RPGRIP1L: variants seen among roughly 807,000 people sequenced by gnomAD.
The protein encoded by RPGRIP1L is protein fantom.
Under a neutral mutation model 160.4 loss-of-function variants are expected in RPGRIP1L, and 131 were observed. That is an observed-to-expected ratio of 0.82 (90% confidence interval 0.71 to 0.94). The LOEUF (loss-of-function observed/expected upper bound fraction) is 0.94, where lower values mean the gene tolerates loss of function less well. RPGRIP1L is among the 40% of genes least tolerant of loss of function. The probability of loss-of-function intolerance (pLI) is 0.00; values close to 1 mark genes in which losing one functional copy is unlikely to be tolerated. For missense variants in RPGRIP1L, 1,522 were observed against 1,535.8 expected (o/e 0.99, Z 0.15); for synonymous variants, 510 against 515.8 (o/e 0.99, Z 0.15).
chr16:53,606,062 C>G (rs1963663553), intron 25 of RPGRIP1L, among the ~76,000 whole-genome samples: 1 of 152,134 alleles, frequency 6.6e-6, no homozygotes, highest in Admixed American at 6.5e-5. Context: ...AGGAATTTAA[C>G]AAAACTGTAT....
intron 1 of RPGRIP1L, among the ~76,000 whole-genome samples, chr16:53,702,044 G>A (rs1455238211): frequency 6.6e-6 from 1 of 152,132 alleles, no homozygotes; most frequent in African/African-American, 2.4e-5. Flanking sequence ...AGTTTTCCAT[G>A]ACAGAGTTAA....
At chr16:53,695,212 T>C (rs1177604577) in intron 3 of RPGRIP1L, 4 of 622,980 alleles carry the variant, frequency 6.4e-6, no homozygotes, top group African/African-American at 1.8e-5. Flanking sequence ...ACATGCCTCA[T>C]TCTGACTGGC....
At chr16:53,700,932 T>G (rs1032725143) in intron 1 of RPGRIP1L, among the ~76,000 whole-genome samples, 2 of 152,198 alleles carry the variant, frequency 1.3e-5, no homozygotes, top group Non-Finnish European at 2.9e-5. Context: ...CTTTCAACAG[T>G]GTATTTCCTA....
intron 9 of RPGRIP1L, among the ~76,000 whole-genome samples, chr16:53,671,255 T>G (rs1968695264): frequency 6.6e-6 from 1 of 152,178 alleles, no homozygotes; most frequent in African/African-American, 2.4e-5. Flanking sequence ...TTATAGTTAG[T>G]GTTCAATAAA....
intron 15 of RPGRIP1L, among the ~76,000 whole-genome samples, chr16:53,650,502 C>T (rs1299155367): frequency 2.6e-5 from 4 of 152,090 alleles, no homozygotes; most frequent in East Asian, 3.9e-4. Flanking sequence ...AGTGTGGGCA[C>T]TGCTTGAGTC....
intron 6 of RPGRIP1L, among the ~76,000 whole-genome samples, chr16:53,685,513 A>G (rs1284782386): frequency 6.6e-6 from 1 of 152,252 alleles, no homozygotes. Context: ...ACCATGGAAT[A>G]CTATGCAGCC....
Position 53,692,237 on chromosome 16 carries a change from G to T in RPGRIP1L, c.358C>A (p.His120Asn), listed in dbSNP as rs1432721427. 5.0e-6 allele frequency: 8 copies of T among 1,614,092 alleles called. No homozygotes were observed. The highest frequency in any genetic ancestry group is 6.8e-6 in the Non-Finnish European group (8 of 1,180,024). Residue 120 changes from histidine (H) to asparagine (N), a missense_variant, in exon 4 of 27, where the codon CAT becomes AAT. Transcript: ENST00000647211. ...GTTTCATTTTGTTTTTCAAGCTCAT[G>T]AACTTTCTCTTGCAGCTGCTCAATC... ...EMIEQLQEKV[H>N]ELEKQNETLK...
rs1261186130 is a variant in RPGRIP1L, at chr16:53,599,286, A to T, written c.*2790T>A. ...TTAAACATATTCTTTATGTATTTTTAAAAAAACTAATTTAAGTTAAATGGC... is the reference window on the plus strand; with the variant it reads ...TTAAACATATTCTTTATGTATTTTTTAAAAAACTAATTTAAGTTAAATGGC... On this transcript the variant is annotated 3_prime_UTR_variant, in exon 27 of 27. Transcript: ENST00000647211. 1.3e-5 allele frequency: 2 copies of T among 152,212 alleles called. No homozygotes were observed. Among genetic ancestry groups the T allele is most frequent in the Non-Finnish European group, 2.9e-5 (2 of 68,030 alleles). 9.4% of individuals were successfully genotyped at this position (152,212 alleles called of 1,614,324 possible). A position where few individuals can be genotyped will look rare whatever the true frequency, so the allele number is the denominator to read the frequency against.
At chr16:53,696,343 T>C in intron 2 of RPGRIP1L, 48 bp from the exon 3 acceptor site, 5 of 1,586,406 alleles carry the variant, frequency 3.2e-6, no homozygotes, top group Non-Finnish European at 4.3e-6. Flanking sequence ...TAAAATAGTC[T>C]CTAGAAACTC....
rs1034600668 is a variant in RPGRIP1L at position 53,599,779 on chromosome 16, G to C, written c.*2297C>G. The C allele has an allele frequency of 6.6e-6, 1 of 152,174 alleles. No individual in the cohort carries two copies. The highest frequency in any genetic ancestry group is 2.4e-5 in the African/African-American group (1 of 41,434). 9.4% of individuals were successfully genotyped at this position (152,174 alleles called of 1,614,324 possible). ...ATAAAACAAACAAAATTCTCAAACA[G>C]ATTATGAAACCCAACTGAAGTATCC... On this transcript the variant is annotated 3_prime_UTR_variant, in exon 27 of 27. Transcript: ENST00000647211.
chr16:53,640,139 G>C (rs759468881), intron 19 of RPGRIP1L, among the ~76,000 whole-genome samples: 15 of 152,168 alleles, frequency 9.9e-5, no homozygotes, highest in Admixed American at 7.9e-4. Context: ...TGAGAAAAAA[G>C]AGGAGTCAAG....
chr16:53,621,793 T>A (rs950012815), intron 23 of RPGRIP1L, among the ~76,000 whole-genome samples: 1 of 150,710 alleles, frequency 6.6e-6, no homozygotes, highest in Non-Finnish European at 1.5e-5. Flanking sequence ...GAGGCTGAGG[T>A]GGGCGGATCA....
chr16:53,599,548 G>C lies in RPGRIP1L; in HGVS notation c.*2528C>G, dbSNP rs1963293838. On this transcript the variant is annotated 3_prime_UTR_variant, in exon 27 of 27. Coordinates refer to ENST00000647211, the MANE Select transcript of RPGRIP1L (RefSeq NM_015272.5). Reference sequence around the variant, plus strand: ...ACTAAAAGCATTACAGCCCAAAAAAGTGCTGCGTGCACTGGTCTAGTTACA... The same window carrying C: ...ACTAAAAGCATTACAGCCCAAAAAACTGCTGCGTGCACTGGTCTAGTTACA... The C allele has an allele frequency of 6.6e-6, 1 of 152,148 alleles. No homozygotes were observed. Among genetic ancestry groups the C allele is most frequent in the Non-Finnish European group, 1.5e-5 (1 of 68,046 alleles). The allele number at this position is 152,148 out of a possible 1,614,324, so 9.4% of individuals were successfully genotyped here.
intron 3 of RPGRIP1L, chr16:53,693,849 T>C (rs1970554848): frequency 6.6e-6 from 1 of 152,140 alleles, no homozygotes; most frequent in Non-Finnish European, 1.5e-5. Flanking sequence ...AACCTAAATA[T>C]CTGAATTTTC....
At chr16:53,631,379 T>G (rs568928897) in intron 22 of RPGRIP1L, among the ~76,000 whole-genome samples, 2 of 152,196 alleles carry the variant, frequency 1.3e-5, no homozygotes, top group Non-Finnish European at 2.9e-5. Context: ...GATGTAAATA[T>G]GCACTGCACA....
At chr16:53,665,209 G>C (rs1968142095) in intron 9 of RPGRIP1L, among the ~76,000 whole-genome samples, 200 bp from the exon 10 acceptor site, 1 of 152,138 alleles carries the variant, frequency 6.6e-6, no homozygotes, top group South Asian at 2.1e-4. Flanking sequence ...TTTGTGGGAT[G>C]AGCAAAGGAA....
At position 53,607,317 on chromosome 16, in the gene RPGRIP1L, G is replaced by A. The variant is rs1340097733; in HGVS notation, c.3702-1703C>T. Among the ~76,000 whole-genome samples, 3 of 152,138 alleles carry A rather than the reference G, an allele frequency of 2.0e-5. No homozygotes were observed. The East Asian group carries it at 5.8e-4, about 29-fold the overall frequency. On this transcript the variant is annotated intron_variant, in intron 25 of 26. Coordinates refer to ENST00000647211, the MANE Select transcript of RPGRIP1L (RefSeq NM_015272.5). ...TAGTAGTATTTTTAATATAGATAGA[G>A]TTGCTTATGCTTCTACATTTCTAAG... is the stretch of plus-strand genomic sequence containing the variant.
chr16:53,657,463 T>G lies in RPGRIP1L; in HGVS notation c.1571A>C (p.Lys524Thr). Residue 524 changes from lysine to threonine, a missense_variant, in exon 13 of 27, where the codon AAA (lysine) becomes ACA (threonine). Transcript: ENST00000647211. Reference sequence around the variant, plus strand: ...AGTGTATTACATTACCTGATAATCTTTATTAATTTTGTGTTGCATAATTAG... The same window carrying G: ...AGTGTATTACATTACCTGATAATCTGTATTAATTTTGTGTTGCATAATTAG... ...NMLIMQHKIN[K>T]DYQMEVEAVT... The G allele has an allele frequency of 6.2e-7, 1 of 1,607,336 alleles. No individual in the cohort carries two copies. Among genetic ancestry groups the G allele is most frequent in the Non-Finnish European group, 8.5e-7 (1 of 1,174,806 alleles).
At chr16:53,630,640 T>A (rs1212218262) in intron 22 of RPGRIP1L, among the ~76,000 whole-genome samples, 1 of 152,132 alleles carries the variant, frequency 6.6e-6, no homozygotes, top group Non-Finnish European at 1.5e-5. Flanking sequence ...TTAGTAAGAG[T>A]TAGTTAAATT....
Sources: gnomAD v4.1 joint callset for allele counts (sites outside exome capture counted in the v4.1 genomes callset) on GRCh38, gnomAD v4.1.1 for gene constraint, MANE v1.5 for transcripts, NCBI Gene and HGNC (gene_info 2026-07-23, HGNC 2026-07-21) for gene names.